SH3GLB1: variants seen among roughly 807,000 people sequenced by gnomAD.
The protein encoded by SH3GLB1 is endophilin-B1.
SH3GLB1 carries 17 observed loss-of-function variants against 42.0 expected under a neutral mutation model. The observed-to-expected ratio is 0.40, with a 90% CI of 0.28 to 0.61. The LOEUF (loss-of-function observed/expected upper bound fraction) is 0.61, where lower values mean the gene tolerates loss of function less well. Ranked by LOEUF, SH3GLB1 falls within the 20% of genes least tolerant of loss-of-function variation. The probability of loss-of-function intolerance (pLI) is 0.36; values close to 1 mark genes in which losing one functional copy is unlikely to be tolerated. For synonymous variants in SH3GLB1, 132 were observed against 146.6 expected (o/e 0.90, Z 0.72); for missense variants, 355 against 426.3 (o/e 0.83, Z 1.47).
At chr1:86,714,910 G>C (rs1654422908) in intron 1 of SH3GLB1, among the ~76,000 whole-genome samples, 1 of 152,144 alleles carries the variant, frequency 6.6e-6, no homozygotes, top group African/African-American at 2.4e-5. Context: ...TTATTATATA[G>C]GCAGTGCTAC....
chr1:86,731,099 ATCT>A (rs772355443), intron 5 of SH3GLB1, among the ~76,000 whole-genome samples: 10 of 152,248 alleles, frequency 6.6e-5, no homozygotes, highest in Non-Finnish European at 8.8e-5. Flanking sequence ...ACCATTTCTA[ATCT>A]TCTGTGGGCT....
At chr1:86,707,853 G>A (rs1653963723) in intron 1 of SH3GLB1, among the ~76,000 whole-genome samples, 1 of 151,930 alleles carries the variant, frequency 6.6e-6, no homozygotes, top group Non-Finnish European at 1.5e-5. Context: ...TCACCATGTT[G>A]GTCAGGCTGG....
At chr1:86,741,222 G>A (rs757754632) in intron 7 of SH3GLB1, among the ~76,000 whole-genome samples, 10 of 152,148 alleles carry the variant, frequency 6.6e-5, no homozygotes, top group Non-Finnish European at 1.5e-4. Context: ...AGGATACAGG[G>A]AATTTTGCTG....
intron 7 of SH3GLB1, among the ~76,000 whole-genome samples, chr1:86,738,080 C>T (rs898217935): frequency 6.6e-6 from 1 of 152,068 alleles, no homozygotes; most frequent in African/African-American, 2.4e-5. Flanking sequence ...CTGGCTGCCA[C>T]GTTGAGGATA....
chr1:86,727,149 G>A (rs75272860), intron 5 of SH3GLB1, among the ~76,000 whole-genome samples: 1,937 of 151,892 alleles, frequency 0.013, 20 homozygotes, highest in Non-Finnish European at 0.019. Flanking sequence ...AATCTCTGCC[G>A]CCCTCAGTTC....
chr1:86,710,745 T>C (rs1377627733), intron 1 of SH3GLB1, among the ~76,000 whole-genome samples: 1 of 152,214 alleles, frequency 6.6e-6, no homozygotes, highest in Non-Finnish European at 1.5e-5. Flanking sequence ...ACACAGTTAA[T>C]ATATTTGAAG....
rs552058346 is a variant in SH3GLB1, at chr1:86,723,343, C to G, written c.477+670C>G. Reference sequence around the variant, plus strand: ...CCTGGCCAACATGGTGAAACCCCGTCTCTACTAAAAATACAAAAAAATTAG... The same window carrying G: ...CCTGGCCAACATGGTGAAACCCCGTGTCTACTAAAAATACAAAAAAATTAG... On this transcript the variant is annotated intron_variant, in intron 4 of 8. Coordinates refer to ENST00000370558, the MANE Select transcript of SH3GLB1 (RefSeq NM_016009.5). Among the ~76,000 whole-genome samples the G allele has an allele frequency of 3.3e-5, 5 of 152,156 alleles. No homozygotes were observed. The South Asian group carries it at 1.0e-3, about 32-fold the overall frequency.
chr1:86,713,602 G>T (rs1020331554), intron 1 of SH3GLB1, among the ~76,000 whole-genome samples: 1 of 152,064 alleles, frequency 6.6e-6, no homozygotes, highest in African/African-American at 2.4e-5. Context: ...GTCACAGGTC[G>T]TTTGTTACCT....
At chr1:86,724,252 G>A in intron 4 of SH3GLB1, 61 bp from the exon 5 acceptor site, 1 of 1,161,240 alleles carries the variant, frequency 8.6e-7, no homozygotes, top group South Asian at 1.5e-5. Context: ...CTTTAAATGT[G>A]TATGCTCTTA....
At position 86,743,306 on chromosome 1, in the gene SH3GLB1, G is replaced by A; in HGVS notation, c.*71G>A. 9.9e-7 allele frequency: 1 copy of A among 1,009,588 alleles called. No individual in the cohort carries two copies. Among genetic ancestry groups the A allele is most frequent in the Non-Finnish European group, 1.4e-6 (1 of 706,376 alleles). The allele number at this position is 1,009,588 out of a possible 1,614,324, so 62.5% of individuals were successfully genotyped here. ...ATACAATTAACTCTAAATAAAGCAG[G>A]TTAAGTATCTTCCATGTTAATGTGT... On this transcript the variant is annotated 3_prime_UTR_variant, in exon 9 of 9. Coordinates refer to ENST00000370558, the MANE Select transcript of SH3GLB1 (RefSeq NM_016009.5).
intron 1 of SH3GLB1, among the ~76,000 whole-genome samples, chr1:86,707,027 C>T (rs535872813): frequency 2.0e-5 from 3 of 152,310 alleles, no homozygotes; most frequent in South Asian, 4.1e-4. Flanking sequence ...ACTGTGGACA[C>T]TGGTGATACA....
At chr1:86,731,705 A>T (rs1655520046) in intron 5 of SH3GLB1, among the ~76,000 whole-genome samples, 3 of 152,280 alleles carry the variant, frequency 2.0e-5, no homozygotes, top group Non-Finnish European at 2.9e-5. Context: ...CATATATATA[A>T]AAATCTAAAG....
chr1:86,745,547 C>T lies in SH3GLB1; in HGVS notation c.*2312C>T, dbSNP rs1253339153. 1.3e-5 allele frequency: 2 copies of T among 152,166 alleles called. No individual in the cohort carries two copies. The highest frequency in any genetic ancestry group is 2.9e-5 in the Non-Finnish European group (2 of 68,016). The allele number at this position is 152,166 out of a possible 1,614,324, so 9.4% of individuals were successfully genotyped here. On this transcript the variant is annotated 3_prime_UTR_variant, in exon 9 of 9. Transcript: ENST00000370558. Reference sequence around the variant, plus strand: ...ATAAATCATTTTTCAGAACTTTCAGCTTTCCATCAAGTGAAAGTTGATTTT... The same window carrying T: ...ATAAATCATTTTTCAGAACTTTCAGTTTTCCATCAAGTGAAAGTTGATTTT...
At chr1:86,708,692 A>G (rs1654017253) in intron 1 of SH3GLB1, among the ~76,000 whole-genome samples, 1 of 152,248 alleles carries the variant, frequency 6.6e-6, no homozygotes, top group Admixed American at 6.5e-5. Context: ...ATACAAAAGT[A>G]TCAGGTAATT....
rs543394388 is a variant in SH3GLB1, at chr1:86,705,068, C to G, written c.72+97C>G. On this transcript the variant is annotated intron_variant, in intron 1 of 8. Transcript: ENST00000370558. ...CGGCGCCCCCGGGCCTCGCCGACCA[C>G]CCAGCGGGCCTGCTGCAGCCAGAGG... 2.5e-4 allele frequency: 195 copies of G among 767,590 alleles called. No homozygotes were observed. In the African/African-American group the frequency reaches 3.0e-3, roughly 12 times the overall value. 47.5% of individuals were successfully genotyped at this position (767,590 alleles called of 1,614,324 possible).
At chr1:86,729,370 T>G (rs1475630749) in intron 5 of SH3GLB1, among the ~76,000 whole-genome samples, 1 of 150,636 alleles carries the variant, frequency 6.6e-6, no homozygotes, top group African/African-American at 2.5e-5. Flanking sequence ...TGCATTTTTG[T>G]TTTTGTTTTT....
chr1:86,733,722 G>A (rs1001939634), intron 5 of SH3GLB1, among the ~76,000 whole-genome samples: 5 of 152,134 alleles, frequency 3.3e-5, no homozygotes, highest in Admixed American at 3.3e-4. Context: ...CTGTTTTGTC[G>A]CAGCAGTAAG....
chr1:86,737,657 A>T (rs1655842399), intron 7 of SH3GLB1, among the ~76,000 whole-genome samples: 1 of 152,198 alleles, frequency 6.6e-6, no homozygotes, highest in Non-Finnish European at 1.5e-5. Context: ...GTATATAAAT[A>T]AAATAATCAA....
chr1:86,732,420 A>T (rs1655559895), intron 5 of SH3GLB1, among the ~76,000 whole-genome samples: 1 of 152,176 alleles, frequency 6.6e-6, no homozygotes, highest in African/African-American at 2.4e-5. Flanking sequence ...AATGTGGATC[A>T]TTTTCTTCCG....
Sources: allele counts gnomAD v4.1 joint callset (sites outside exome capture counted in the v4.1 genomes callset), GRCh38; gene constraint gnomAD v4.1.1; transcripts MANE v1.5; gene names NCBI Gene and HGNC (gene_info 2026-07-23, HGNC 2026-07-21).